Variants in PRKCE observed in about 807,000 individuals in gnomAD.
The protein encoded by PRKCE is protein kinase C epsilon type.
Under a neutral mutation model 85.4 loss-of-function variants are expected in PRKCE, and 16 were observed. The ratio of observed to expected loss-of-function variants is 0.19; its 90% CI spans 0.13 to 0.28. The LOEUF is 0.28. PRKCE is among the 10% of genes least tolerant of loss of function. The pLI is 1.00. For synonymous variants in PRKCE, 388 were observed against 371.5 expected (o/e 1.04, Z -0.51); for missense variants, 573 against 975.2 (o/e 0.59, Z 5.49).
At chr2:45,777,292 G>A (rs1360697730) in intron 1 of PRKCE, among the ~76,000 whole-genome samples, 4 of 152,038 alleles carry the variant, frequency 2.6e-5, no homozygotes, top group Admixed American at 2.6e-4. Context: ...TAAGTAGGCC[G>A]AGTCAGCACC....
intron 1 of PRKCE, among the ~76,000 whole-genome samples, chr2:45,733,464 G>T (rs550169712): frequency 7.2e-5 from 11 of 152,298 alleles, no homozygotes; most frequent in African/African-American, 2.6e-4. Context: ...ATCATAAATG[G>T]TGGGGTATGT....
chr2:45,787,924 G>A (rs1686738088), intron 1 of PRKCE, among the ~76,000 whole-genome samples: 1 of 152,176 alleles, frequency 6.6e-6, no homozygotes, highest in Admixed American at 6.5e-5. Flanking sequence ...CAGCCACAGA[G>A]GCTTCTCACT....
At chr2:45,718,339 C>CTTTTT (rs10708579) in intron 1 of PRKCE, among the ~76,000 whole-genome samples, 3 of 83,344 alleles carry the variant, frequency 3.6e-5, no homozygotes, top group African/African-American at 5.3e-5. Flanking sequence ...CAAATGCTTA[C>CTTTTT]TTTTTTTTTT....
intron 1 of PRKCE, among the ~76,000 whole-genome samples, chr2:45,769,005 G>A (rs1685116912): frequency 6.6e-6 from 1 of 152,224 alleles, no homozygotes; most frequent in African/African-American, 2.4e-5. Flanking sequence ...TGCTTTCAAA[G>A]CTTGGCAAAT....
At chr2:45,723,507 C>T (rs1201147809) in intron 1 of PRKCE, among the ~76,000 whole-genome samples, 1 of 152,214 alleles carries the variant, frequency 6.6e-6, no homozygotes, top group East Asian at 1.9e-4. Flanking sequence ...AACCTGTTTG[C>T]CCTGCTAATA....
intron 13 of PRKCE, among the ~76,000 whole-genome samples, chr2:46,152,663 C>T (rs917095796): frequency 1.3e-5 from 2 of 152,018 alleles, no homozygotes; most frequent in African/African-American, 4.8e-5. Context: ...ATTCTCCTGC[C>T]TCAGCCTCCC....
chr2:45,927,820 G>A lies in PRKCE; in HGVS notation c.413-48609G>A, dbSNP rs187671670. ...AAAAATACATCTTTATTTTTCCTTA[G>A]CTCTAGAAGAACTTTTCCACAGTGA... On this transcript the variant is annotated intron_variant, in intron 2 of 14. Transcript: ENST00000306156. 1.2e-3 allele frequency among the ~76,000 whole-genome samples: 184 copies of A among 152,158 alleles called. 1 individual carries two copies. Among genetic ancestry groups the A allele is most frequent in the African/African-American group, 4.2e-3 (174 of 41,516 alleles).
At chr2:46,031,692 C>T (rs1253645014) in intron 10 of PRKCE, among the ~76,000 whole-genome samples, 1 of 151,352 alleles carries the variant, frequency 6.6e-6, no homozygotes, top group Non-Finnish European at 1.5e-5. Context: ...CATCCTGTGG[C>T]AGTGATGGTA....
chr2:45,738,655 G>A (rs1190155652), intron 1 of PRKCE, among the ~76,000 whole-genome samples: 1 of 152,204 alleles, frequency 6.6e-6, no homozygotes. Context: ...AGCATCTTGG[G>A]AAGGATCAGT....
At position 45,774,600 on chromosome 2, in the gene PRKCE, G is replaced by A. The variant is rs1685605014; in HGVS notation, c.349-68400G>A. Among the ~76,000 whole-genome samples the A allele has an allele frequency of 6.6e-6, 1 of 152,180 alleles. No individual in the cohort carries two copies. The highest frequency in any genetic ancestry group is 2.1e-4 in the South Asian group (1 of 4,820). ...GCTTTTGGTGTGACTGTACAGAGCA[G>A]GCAGCCTGTGGGGTAGGGTTGCACT... is the stretch of plus-strand genomic sequence containing the variant. On this transcript the variant is annotated intron_variant, in intron 1 of 14. Coordinates refer to ENST00000306156, the MANE Select transcript of PRKCE (RefSeq NM_005400.3). The surrounding 1 kb of genome is among the most constrained non-coding windows in gnomAD (Gnocchi z 4.3).
intron 2 of PRKCE, among the ~76,000 whole-genome samples, chr2:45,917,074 G>A (rs1204872699): frequency 1.3e-5 from 2 of 152,154 alleles, no homozygotes; most frequent in Non-Finnish European, 1.5e-5. Flanking sequence ...TGCTGGCTCA[G>A]GCAGCCTGCT....
chr2:45,668,382 T>C (rs1676012092), intron 1 of PRKCE, among the ~76,000 whole-genome samples: 1 of 152,184 alleles, frequency 6.6e-6, no homozygotes, highest in Admixed American at 6.5e-5. Context: ...TATAATACTA[T>C]TGTAAAATAT....
At chr2:45,906,969 G>A (rs1697026303) in intron 2 of PRKCE, among the ~76,000 whole-genome samples, 1 of 152,212 alleles carries the variant, frequency 6.6e-6, no homozygotes, top group Admixed American at 6.5e-5. Context: ...TGGGCCCAGA[G>A]AACACAGTAG....
intron 10 of PRKCE, among the ~76,000 whole-genome samples, chr2:46,072,471 CCAA>C (rs1668161550): frequency 6.6e-6 from 1 of 152,180 alleles, no homozygotes; most frequent in South Asian, 2.1e-4. Context: ...GCATATGAAT[CCAA>C]CAACATGTCT....
intron 1 of PRKCE, among the ~76,000 whole-genome samples, chr2:45,715,896 CT>C (rs1334245314): frequency 2.0e-5 from 3 of 152,282 alleles, no homozygotes; most frequent in South Asian, 2.1e-4. Flanking sequence ...CTTTTCTGCA[CT>C]CCCCCCATGA....
chr2:45,991,349 C>T (rs1262251410), intron 6 of PRKCE, among the ~76,000 whole-genome samples: 1 of 150,188 alleles, frequency 6.7e-6, no homozygotes, highest in Non-Finnish European at 1.5e-5. Flanking sequence ...AATACAAGGT[C>T]CATGAGGACA....
chr2:46,004,592 T>C lies in PRKCE; in HGVS notation c.1017T>C (p.Ser339=). ...SPQPASGSSP[S]EEDRSKSAPT... is the part of the protein sequence containing the mutation. ...AGCCTGCTTCTGGAAGCTCACCATC[T>C]GAGGAAGATCGATCCAAGTCAGCAC... The change falls in exon 8 of 15, where the codon TCT becomes TCC. Residue 339 remains serine (S), a synonymous_variant. Coordinates refer to ENST00000306156, the MANE Select transcript of PRKCE (RefSeq NM_005400.3). This position sits in a 1 kb window ranked among gnomAD's most constrained non-coding sequence, Gnocchi z 4.1. The C allele has an allele frequency of 6.3e-7, 1 of 1,592,286 alleles. No individual in the cohort carries two copies. Among genetic ancestry groups the C allele is most frequent in the Non-Finnish European group, 8.5e-7 (1 of 1,176,550 alleles).
intron 11 of PRKCE, among the ~76,000 whole-genome samples, chr2:46,089,802 A>G (rs1369756219): frequency 2.0e-5 from 3 of 152,052 alleles, no homozygotes; most frequent in East Asian, 1.9e-4. Flanking sequence ...CCCGATGGCC[A>G]TGATGACCTT....
rs562590376 is a variant in PRKCE at position 46,084,190 on chromosome 2, T to TGGACTTA, written c.1438-2015_1438-2009dup. On this transcript the variant is annotated intron_variant, in intron 10 of 14. Coordinates refer to ENST00000306156, the MANE Select transcript of PRKCE (RefSeq NM_005400.3). ...AGGGCAAAGTAAATGGAAGAAAAGC[T>TGGACTTA]GGACTTAGGCCCTTTGTGAATACCG... is the stretch of plus-strand genomic sequence containing the variant. Among the ~76,000 whole-genome samples the TGGACTTA allele has an allele frequency of 1.4e-4, 22 of 152,358 alleles. No individual in the cohort carries two copies. In the South Asian group the frequency reaches 4.6e-3, roughly 32 times the overall value.
Sources: gnomAD v4.1 joint callset for allele counts (sites outside exome capture counted in the v4.1 genomes callset) on GRCh38, gnomAD v4.1.1 for gene constraint, Gnocchi (gnomAD v3.1) non-coding constraint, MANE v1.5 for transcripts, NCBI Gene and HGNC (gene_info 2026-07-23, HGNC 2026-07-21) for gene names.